MAD1L1: variants seen among roughly 807,000 people sequenced by gnomAD.
The protein encoded by MAD1L1 is mitotic arrest deficient 1 like 1.
MAD1L1 carries 95 observed loss-of-function variants against 96.9 expected under a neutral mutation model. That is an observed-to-expected ratio of 0.98 (90% CI 0.83 to 1.16). The LOEUF is 1.16. Among genes scored for constraint, MAD1L1 ranks in the 50% most tolerant of loss-of-function variants. The probability of loss-of-function intolerance (pLI) is 0.00; values close to 1 mark genes in which losing one functional copy is unlikely to be tolerated. For missense variants in MAD1L1, 1,007 were observed against 954.4 expected (o/e 1.06, Z -0.73); for synonymous variants, 473 against 396.6 (o/e 1.19, Z -2.29).
chr7:1,963,661 A>G (rs1156479416), intron 15 of MAD1L1, among the ~76,000 whole-genome samples: 3 of 152,330 alleles, frequency 2.0e-5, no homozygotes, highest in East Asian at 3.9e-4. Context: ...CCTGCAGGAC[A>G]TGCTTCCGGA....
chr7:2,126,264 G>A (rs1023495975), intron 11 of MAD1L1, among the ~76,000 whole-genome samples: 2 of 152,262 alleles, frequency 1.3e-5, no homozygotes, highest in African/African-American at 4.8e-5. Flanking sequence ...GACGCCCACA[G>A]AGTGCAACCC....
At chr7:1,962,045 T>C (rs1477331724) in intron 15 of MAD1L1, among the ~76,000 whole-genome samples, 3 of 151,882 alleles carry the variant, frequency 2.0e-5, no homozygotes, top group Admixed American at 1.3e-4. Context: ...CAGGGCGGTT[T>C]CCCCCATACC....
At chr7:1,957,559 G>T in intron 16 of MAD1L1, 70 bp downstream of exon 16, 1 of 1,472,814 alleles carries the variant, frequency 6.8e-7, no homozygotes, top group Non-Finnish European at 9.4e-7. Flanking sequence ...CAGGAACCAC[G>T]GTCGTTCACG....
intron 12 of MAD1L1, among the ~76,000 whole-genome samples, chr7:2,068,233 CCA>C (rs1345664711): frequency 1.5e-4 from 23 of 152,220 alleles, no homozygotes; most frequent in Non-Finnish European, 1.6e-4. Context: ...TTCCGGGTGC[CCA>C]CACAGTCAGT....
rs771920775 is a variant in MAD1L1, at chr7:1,936,797, G to A, written c.1697C>T (p.Ala566Val). The A allele has an allele frequency of 1.8e-5, 29 of 1,589,790 alleles. No individual in the cohort carries two copies. Among genetic ancestry groups the A allele is most frequent in the South Asian group, 4.6e-5 (4 of 87,370 alleles). Residue 566 changes from alanine (A) to valine (V), a missense_variant, in exon 17 of 19, where the codon GCG becomes GTG. Transcript: ENST00000265854. ...RLREDHSQLQAECERLRGLLR... is the reference protein window; with the variant it reads ...RLREDHSQLQVECERLRGLLR... ...GAGCCCGCGCAGTCGCTCGCACTCCGCCTGCAGCTGGCTGTGGTCCTCGCG... is the reference window on the plus strand; with the variant it reads ...GAGCCCGCGCAGTCGCTCGCACTCCACCTGCAGCTGGCTGTGGTCCTCGCG...
chr7:2,216,909 T>C (rs1483026724), intron 7 of MAD1L1, among the ~76,000 whole-genome samples: 1 of 152,126 alleles, frequency 6.6e-6, no homozygotes, highest in African/African-American at 2.4e-5. Flanking sequence ...CTGCTTCCAA[T>C]ACTGAGCCTC....
chr7:1,931,721 GC>G (rs1277516473), intron 17 of MAD1L1, among the ~76,000 whole-genome samples: 1 of 151,804 alleles, frequency 6.6e-6, no homozygotes, highest in Non-Finnish European at 1.5e-5. Flanking sequence ...TTCAGATCAG[GC>G]CTCAGCTCCC....
chr7:2,069,238 C>A lies in MAD1L1; in HGVS notation c.1174G>T (p.Ala392Ser), dbSNP rs1282487375. 7.4e-6 allele frequency: 12 copies of A among 1,611,286 alleles called. No individual in the cohort carries two copies. Among genetic ancestry groups the A allele is most frequent in the Non-Finnish European group, 1.0e-5 (12 of 1,179,166 alleles). Residue 392 changes from alanine (A) to serine (S), a missense_variant, in exon 12 of 19, where the codon GCG becomes TCG. Physicochemically the swap from Ala to Ser is moderately conservative, Grantham distance 99. Transcript: ENST00000265854. Reference sequence around the variant, plus strand: ...CGTTTCTGGAGCCTCCGGGCCAGCGCCTCGTGGGTCTCGCGCTTCTTCCTC... The same window carrying A: ...CGTTTCTGGAGCCTCCGGGCCAGCGACTCGTGGGTCTCGCGCTTCTTCCTC... ...EERKKRETHE[A>S]LARRLQKRVL...
At chr7:2,043,095 A>AT (rs1783764584) in intron 12 of MAD1L1, among the ~76,000 whole-genome samples, 1 of 152,234 alleles carries the variant, frequency 6.6e-6, no homozygotes, top group Non-Finnish European at 1.5e-5. Flanking sequence ...TTATGCGAAG[A>AT]TATTTCCACG....
intron 18 of MAD1L1, among the ~76,000 whole-genome samples, chr7:1,893,021 G>A (rs563134584): frequency 4.3e-4 from 66 of 152,314 alleles, no homozygotes; most frequent in African/African-American, 1.2e-3. Context: ...GAGTGCAGCC[G>A]GGATGGAGAG....
intron 12 of MAD1L1, among the ~76,000 whole-genome samples, chr7:2,027,075 AAAC>A (rs1322340317): frequency 4.6e-5 from 7 of 152,198 alleles, no homozygotes; most frequent in Non-Finnish European, 7.3e-5. Flanking sequence ...ACATGACAAT[AAAC>A]AACTTTACAC....
intron 17 of MAD1L1, among the ~76,000 whole-genome samples, chr7:1,916,210 G>A (rs556956517): frequency 1.3e-5 from 2 of 152,276 alleles, no homozygotes; most frequent in Non-Finnish European, 2.9e-5. Flanking sequence ...AAGCCGCCTC[G>A]GAAACCGTAA....
At position 1,965,707 on chromosome 7, in the gene MAD1L1, G is replaced by A. The variant is rs546470723; in HGVS notation, c.1506-7988C>T. Among the ~76,000 whole-genome samples the A allele has an allele frequency of 9.8e-5, 15 of 152,392 alleles. No individual in the cohort carries two copies. The South Asian group carries it at 2.9e-3, about 29-fold the overall frequency. The stretch of plus-strand genomic sequence containing the variant: ...CAGTGGCGGCAGGGAGCCTGAGGCA[G>A]GAGCCGTGCTCTCTGTCTGAAGCTG... On this transcript the variant is annotated intron_variant, in intron 15 of 18. Transcript: ENST00000265854.
intron 18 of MAD1L1, among the ~76,000 whole-genome samples, chr7:1,887,411 ATG>A (rs10678802): frequency 0.013 from 1,941 of 146,736 alleles, 36 homozygotes; most frequent in African/African-American, 0.046. Context: ...CTGCCTGTGC[ATG>A]TGTGTGTGTG....
chr7:2,051,675 C>T (rs1202601522), intron 12 of MAD1L1, among the ~76,000 whole-genome samples: 2 of 123,824 alleles, frequency 1.6e-5, no homozygotes, highest in East Asian at 3.0e-4. Flanking sequence ...CCTGCCGGGT[C>T]ACCTCGCTGT....
intron 11 of MAD1L1, among the ~76,000 whole-genome samples, chr7:2,073,320 T>A (rs1196407893): frequency 6.6e-6 from 1 of 152,212 alleles, no homozygotes; most frequent in East Asian, 1.9e-4. Flanking sequence ...TGGAAACAGC[T>A]AACTAGGCTT....
intron 17 of MAD1L1, among the ~76,000 whole-genome samples, chr7:1,916,049 G>A (rs906787356): frequency 3.3e-5 from 5 of 152,222 alleles, no homozygotes; most frequent in African/African-American, 4.8e-5. Flanking sequence ...AACAAGCCAC[G>A]TCGGTGCCCA....
chr7:2,125,495 G>A (rs1008702683), intron 11 of MAD1L1, among the ~76,000 whole-genome samples: 20 of 152,290 alleles, frequency 1.3e-4, no homozygotes, highest in Admixed American at 8.5e-4. Context: ...CTGTAACAGG[G>A]CATCTGAGAT....
At chr7:2,084,643 T>C (rs1279026510) in intron 11 of MAD1L1, among the ~76,000 whole-genome samples, 2 of 152,182 alleles carry the variant, frequency 1.3e-5, no homozygotes, top group African/African-American at 4.8e-5. Context: ...CCACTCAATG[T>C]GTCACCTACC....
Sources: allele counts gnomAD v4.1 joint callset (sites outside exome capture counted in the v4.1 genomes callset), GRCh38; gene constraint gnomAD v4.1.1; transcripts MANE v1.5; gene names NCBI Gene and HGNC (gene_info 2026-07-23, HGNC 2026-07-21).